Variants in HPSE2 observed in about 807,000 individuals in gnomAD.
HPSE2 encodes inactive heparanase-2.
Under a neutral mutation model 60.5 loss-of-function variants are expected in HPSE2, and 38 were observed. The ratio of observed to expected loss-of-function variants is 0.63; its 90% confidence interval spans 0.48 to 0.82. The LOEUF (loss-of-function observed/expected upper bound fraction) is 0.82, where lower values mean the gene tolerates loss of function less well. Ranked by LOEUF, HPSE2 falls within the 40% of genes least tolerant of loss-of-function variation. The pLI, the probability that HPSE2 is intolerant of heterozygous loss-of-function variation, is 0.00. For missense variants in HPSE2, 713 were observed against 740.4 expected (o/e 0.96, Z 0.43); for synonymous variants, 295 against 293.2 (o/e 1.01, Z -0.06).
intron 3 of HPSE2, among the ~76,000 whole-genome samples, chr10:98,902,327 T>G (rs1590045163): frequency 6.6e-6 from 1 of 152,254 alleles, no homozygotes; most frequent in East Asian, 1.9e-4. Flanking sequence ...CCAAACTCAT[T>G]TGCTACAGGA....
chr10:99,160,657 T>C (rs927028703), intron 2 of HPSE2, among the ~76,000 whole-genome samples: 7 of 152,074 alleles, frequency 4.6e-5, no homozygotes, highest in Non-Finnish European at 1.0e-4. Context: ...CCCAGCACTT[T>C]GGGAGGCCGA....
chr10:98,549,543 T>A (rs1265617403), intron 9 of HPSE2, among the ~76,000 whole-genome samples: 1 of 152,204 alleles, frequency 6.6e-6, no homozygotes, highest in African/African-American at 2.4e-5. Flanking sequence ...GCTACAGTAC[T>A]GTGGGTCTCC....
At chr10:98,879,609 T>G (rs1309151423) in intron 3 of HPSE2, among the ~76,000 whole-genome samples, 1 of 152,008 alleles carries the variant, frequency 6.6e-6, no homozygotes, top group Non-Finnish European at 1.5e-5. Flanking sequence ...AAAATAAATA[T>G]GCATTCTCTT....
At chr10:99,083,151 G>A (rs948321112) in intron 3 of HPSE2, among the ~76,000 whole-genome samples, 2 of 152,170 alleles carry the variant, frequency 1.3e-5, no homozygotes, top group Non-Finnish European at 1.5e-5. Flanking sequence ...CTTCAAGCAT[G>A]TAAAGGGATA....
At chr10:99,146,600 G>A (rs1418377687) in intron 2 of HPSE2, among the ~76,000 whole-genome samples, 1 of 152,186 alleles carries the variant, frequency 6.6e-6, no homozygotes. Flanking sequence ...AGTGGCTCAC[G>A]CCTGTAATCC....
At chr10:99,260,479 G>C in the HPSE2 span, among the ~76,000 whole-genome samples, 2 of 152,172 alleles carry the variant, frequency 1.3e-5, no homozygotes, top group African/African-American at 4.8e-5. Flanking sequence ...CAGGTAAGCA[G>C]TCTTTTCACT....
At chr10:99,055,110 T>C (rs771472992) in intron 3 of HPSE2, among the ~76,000 whole-genome samples, 1 of 152,158 alleles carries the variant, frequency 6.6e-6, no homozygotes, top group South Asian at 2.1e-4. Flanking sequence ...ATGTTATCCA[T>C]AGTCAAAAAT....
intron 9 of HPSE2, among the ~76,000 whole-genome samples, chr10:98,590,885 T>A (rs138623627): frequency 2.0e-5 from 3 of 152,220 alleles, no homozygotes; most frequent in Non-Finnish European, 2.9e-5. Flanking sequence ...AAAAAATAAA[T>A]AAATGAGATG....
intron 3 of HPSE2, among the ~76,000 whole-genome samples, chr10:99,043,809 A>G (rs902670512): frequency 9.2e-5 from 14 of 152,168 alleles, no homozygotes; most frequent in African/African-American, 3.1e-4. Context: ...CCAATCAGAT[A>G]AAAATAAAGA....
intron 3 of HPSE2, among the ~76,000 whole-genome samples, chr10:98,956,656 C>T (rs3897501): frequency 0.15 from 23,341 of 152,104 alleles, 2,708 homozygotes; most frequent in African/African-American, 0.32. Context: ...GAAGAATACA[C>T]TTCTTTCCTT....
intron 6 of HPSE2, among the ~76,000 whole-genome samples, chr10:98,685,015 A>G (rs2134146365): frequency 6.6e-6 from 1 of 152,290 alleles, no homozygotes; most frequent in Admixed American, 6.5e-5. Context: ...CCCATATTTT[A>G]TTAGAAAAAA....
chr10:98,915,151 CTT>C (rs1174583914), intron 3 of HPSE2, among the ~76,000 whole-genome samples: 15 of 141,068 alleles, frequency 1.1e-4, no homozygotes, highest in Admixed American at 1.4e-4. Context: ...CTAAATTTTC[CTT>C]TTTTTTTTTT....
chr10:98,755,170 T>A (rs547670455), intron 3 of HPSE2, among the ~76,000 whole-genome samples: 34 of 152,134 alleles, frequency 2.2e-4, no homozygotes, highest in African/African-American at 7.9e-4. Context: ...AGTAAAGAGA[T>A]GGAGAAAAAT....
intron 3 of HPSE2, among the ~76,000 whole-genome samples, chr10:99,088,952 T>C (rs952515581): frequency 4.6e-5 from 7 of 152,226 alleles, no homozygotes; most frequent in Non-Finnish European, 1.0e-4. Context: ...ACATTTTTCA[T>C]GTTTGTTGGC....
At chr10:98,816,441 T>G (rs1381148921) in intron 3 of HPSE2, among the ~76,000 whole-genome samples, 1 of 152,128 alleles carries the variant, frequency 6.6e-6, no homozygotes, top group Non-Finnish European at 1.5e-5. Context: ...TTTATGGCCC[T>G]TGTGTTGTCG....
chr10:98,874,784 C>A (rs1029540780), intron 3 of HPSE2, among the ~76,000 whole-genome samples: 1 of 151,960 alleles, frequency 6.6e-6, no homozygotes, highest in Non-Finnish European at 1.5e-5. Flanking sequence ...AGGTATGTTC[C>A]ATCAATATCA....
chr10:98,921,688 T>C (rs1019048157), intron 3 of HPSE2, among the ~76,000 whole-genome samples: 3 of 152,192 alleles, frequency 2.0e-5, no homozygotes, highest in African/African-American at 7.2e-5. Context: ...TGACATCACT[T>C]ATCAGCAGAC....
At chr10:98,599,453 G>A (rs906242849) in intron 9 of HPSE2, among the ~76,000 whole-genome samples, 2 of 152,162 alleles carry the variant, frequency 1.3e-5, no homozygotes, top group African/African-American at 2.4e-5. Context: ...CCAATAGTGG[G>A]ACAGGCCTGG....
chr10:99,040,559 A>G (rs1957714640), intron 3 of HPSE2, among the ~76,000 whole-genome samples: 1 of 152,006 alleles, frequency 6.6e-6, no homozygotes, highest in Non-Finnish European at 1.5e-5. Context: ...TTTACATATC[A>G]TTTTGTAAAA....
Sources: gnomAD v4.1 joint callset for allele counts (sites outside exome capture counted in the v4.1 genomes callset) on GRCh38, gnomAD v4.1.1 for gene constraint, MANE v1.5 for transcripts, NCBI Gene and HGNC (gene_info 2026-07-23, HGNC 2026-07-21) for gene names.